HS6ST3: variants seen among roughly 807,000 people sequenced by gnomAD.
The protein encoded by HS6ST3 is heparan-sulfate 6-O-sulfotransferase 3.
In HS6ST3, 12 loss-of-function variants were observed where a neutral mutation model predicts 36.7. That is an observed-to-expected ratio of 0.33 (90% confidence interval 0.21 to 0.53). HS6ST3 has a LOEUF of 0.53. HS6ST3 is among the 20% of genes least tolerant of loss of function. The pLI is 0.95. For missense variants in HS6ST3, 584 were observed against 640.9 expected, an observed-to-expected ratio of 0.91 and a Z score of 0.96; for synonymous variants, 240 against 257.5, an observed-to-expected ratio of 0.93 and a Z score of 0.65.
At chr13:96,600,022 G>T (rs749883978) in intron 1 of HS6ST3, among the ~76,000 whole-genome samples, 8 of 151,980 alleles carry the variant, frequency 5.3e-5, no homozygotes, top group Non-Finnish European at 8.8e-5. Flanking sequence ...GATTTTTAAA[G>T]ATTTATTGAG....
At chr13:96,588,705 A>G (rs2056371227) in intron 1 of HS6ST3, among the ~76,000 whole-genome samples, 1 of 151,892 alleles carries the variant, frequency 6.6e-6, no homozygotes, top group Non-Finnish European at 1.5e-5. Flanking sequence ...TTTTTGTAGT[A>G]TGTTTGTGTT....
intron 1 of HS6ST3, among the ~76,000 whole-genome samples, chr13:96,619,821 T>A (rs1344301510): frequency 1.3e-5 from 2 of 152,226 alleles, no homozygotes; most frequent in East Asian, 3.8e-4. Context: ...CATGCACCCT[T>A]ACAGCTTCCT....
chr13:96,708,120 T>C (rs536599723), intron 1 of HS6ST3, among the ~76,000 whole-genome samples: 3 of 152,346 alleles, frequency 2.0e-5, no homozygotes, highest in Admixed American at 2.0e-4. Context: ...AAGCACTAAG[T>C]GCTGGTGTCA....
At chr13:96,595,196 C>A (rs2056397068) in intron 1 of HS6ST3, among the ~76,000 whole-genome samples, 1 of 152,108 alleles carries the variant, frequency 6.6e-6, no homozygotes, top group Admixed American at 6.5e-5. Flanking sequence ...CAGGCGTGCA[C>A]CACCGTGCCT....
At chr13:96,627,545 A>T (rs1363470471) in intron 1 of HS6ST3, among the ~76,000 whole-genome samples, 1 of 151,976 alleles carries the variant, frequency 6.6e-6, no homozygotes, top group Non-Finnish European at 1.5e-5. Context: ...TCTCATAAAC[A>T]TGTTACAGTA....
intron 1 of HS6ST3, among the ~76,000 whole-genome samples, chr13:96,653,273 A>G (rs2056613728): frequency 1.3e-5 from 2 of 152,058 alleles, no homozygotes; most frequent in Non-Finnish European, 2.9e-5. Flanking sequence ...GGTTTGTTAC[A>G]TTGGTATACA....
At chr13:96,146,390 C>G (rs900794111) in intron 1 of HS6ST3, among the ~76,000 whole-genome samples, 1 of 152,040 alleles carries the variant, frequency 6.6e-6, no homozygotes, top group African/African-American at 2.4e-5. Flanking sequence ...AAGTTGTATT[C>G]CTAGGTATTT....
intron 1 of HS6ST3, among the ~76,000 whole-genome samples, chr13:96,539,810 G>A (rs947561516): frequency 2.6e-5 from 4 of 152,166 alleles, no homozygotes; most frequent in Non-Finnish European, 4.4e-5. Flanking sequence ...AGAAAGCCAC[G>A]GTGGCTTCCT....
At chr13:96,346,383 G>A (rs1033886966) in intron 1 of HS6ST3, among the ~76,000 whole-genome samples, 1 of 151,984 alleles carries the variant, frequency 6.6e-6, no homozygotes, top group African/African-American at 2.4e-5. Flanking sequence ...GACCATCCTG[G>A]CTAAAACGGT....
At chr13:96,576,934 A>C (rs1343246695) in intron 1 of HS6ST3, among the ~76,000 whole-genome samples, 9 of 113,432 alleles carry the variant, frequency 7.9e-5, no homozygotes, top group Non-Finnish European at 1.2e-4. Context: ...ACAGAGTGAG[A>C]CTCTGTCTCA....
chr13:96,130,924 T>C (rs2053972380), intron 1 of HS6ST3, among the ~76,000 whole-genome samples: 1 of 152,108 alleles, frequency 6.6e-6, no homozygotes, highest in Admixed American at 6.6e-5. Flanking sequence ...CCTTACCCAT[T>C]TTGCCAAACC....
chr13:96,828,378 A>C (rs1202690804), intron 1 of HS6ST3, among the ~76,000 whole-genome samples: 1 of 152,108 alleles, frequency 6.6e-6, no homozygotes, highest in African/African-American at 2.4e-5. Flanking sequence ...GTACCCTTAC[A>C]TTTCTCATTT....
In HS6ST3 at chr13:96,355,550, T is replaced by C. The variant is rs371842128; in HGVS notation, c.707+263981T>C. 5.8e-4 allele frequency among the ~76,000 whole-genome samples: 89 copies of C among 152,334 alleles called. 3 individuals carry two copies. In the South Asian group the frequency reaches 0.017, roughly 30 times the overall value. On this transcript the variant is annotated intron_variant, in intron 1 of 1. Transcript: ENST00000376705. ...TAAATGTTATGTTTACAGTATACTA[T>C]GGTCTATTAAGTATGCAGTTGTATT...
At chr13:96,189,074 TC>T (rs1352571479) in intron 1 of HS6ST3, among the ~76,000 whole-genome samples, 1 of 152,154 alleles carries the variant, frequency 6.6e-6, no homozygotes, top group Admixed American at 6.5e-5. Flanking sequence ...TCATTTTTCT[TC>T]ATCTATAATT....
intron 1 of HS6ST3, among the ~76,000 whole-genome samples, chr13:96,791,997 T>A (rs1269123807): frequency 6.6e-6 from 1 of 152,120 alleles, no homozygotes; most frequent in Non-Finnish European, 1.5e-5. Context: ...TATATATGAA[T>A]GTGTTCATGC....
chr13:96,331,180 C>T (rs1243013508), intron 1 of HS6ST3, among the ~76,000 whole-genome samples: 1 of 152,040 alleles, frequency 6.6e-6, no homozygotes, highest in Non-Finnish European at 1.5e-5. Flanking sequence ...TCTCTCAGCT[C>T]GTCAAAGTCA....
At chr13:96,556,879 AT>A (rs985226947) in intron 1 of HS6ST3, among the ~76,000 whole-genome samples, 1 of 152,196 alleles carries the variant, frequency 6.6e-6, no homozygotes. Context: ...AGTGACATTA[AT>A]GCTGTATAAT....
At chr13:96,553,453 C>G (rs2056227595) in intron 1 of HS6ST3, among the ~76,000 whole-genome samples, 1 of 152,100 alleles carries the variant, frequency 6.6e-6, no homozygotes, top group African/African-American at 2.4e-5. Flanking sequence ...TGTCTAGGGG[C>G]AAAAAGATAG....
rs1181401496 is a variant in HS6ST3 at position 96,164,556 on chromosome 13, GA to G, written c.707+73001del. Among the ~76,000 whole-genome samples, 1,039 of 131,890 alleles carry G rather than the reference GA, an allele frequency of 7.9e-3. 14 individuals carry two copies. The highest frequency in any genetic ancestry group is 5.6e-3 in the Non-Finnish European group (343 of 61,000). 86.5% of individuals were successfully genotyped at this position (131,890 alleles called of 152,430 possible). A position where few individuals can be genotyped will look rare whatever the true frequency, so the allele number is the denominator to read the frequency against. On this transcript the variant is annotated intron_variant, in intron 1 of 1. Coordinates refer to ENST00000376705, the MANE Select transcript of HS6ST3 (RefSeq NM_153456.4). ...TGGGAGACAGAATGAGACCCTGCCTGAAAAAAAAAAAAAAGATTATCAACTT... is the reference window on the plus strand; with the variant it reads ...TGGGAGACAGAATGAGACCCTGCCTGAAAAAAAAAAAAAGATTATCAACTT...
Sources: gnomAD v4.1 joint callset for allele counts (sites outside exome capture counted in the v4.1 genomes callset) on GRCh38, gnomAD v4.1.1 for gene constraint, MANE v1.5 for transcripts, NCBI Gene and HGNC (gene_info 2026-07-23, HGNC 2026-07-21) for gene names.